GMDS: variants seen among roughly 807,000 people sequenced by gnomAD.
GMDS encodes the protein GDP-mannose 4,6 dehydratase.
In GMDS, 20 loss-of-function variants were observed where a neutral mutation model predicts 49.9. The observed-to-expected ratio is 0.40, with a 90% CI of 0.28 to 0.58. The LOEUF is 0.58. Ranked by LOEUF, GMDS falls within the 20% of genes least tolerant of loss-of-function variation. The pLI, the probability that GMDS is intolerant of heterozygous loss-of-function variation, is 0.42. For synonymous variants in GMDS, 177 were observed against 178.6 expected, an observed-to-expected ratio of 0.99 and a Z score of 0.07; for missense variants, 362 against 481.4, an observed-to-expected ratio of 0.75 and a Z score of 2.32.
At chr6:1,821,321 TTTTGA>T in intron 7 of GMDS, among the ~76,000 whole-genome samples, 1 of 152,082 alleles carries the variant, frequency 6.6e-6, no homozygotes. Flanking sequence ...TCCCAGCTCC[TTTTGA>T]GCGGAGAGGC....
intron 7 of GMDS, among the ~76,000 whole-genome samples, chr6:1,834,261 T>C (rs978931866): frequency 6.6e-6 from 1 of 152,200 alleles, no homozygotes; most frequent in Non-Finnish European, 1.5e-5. Context: ...GAGATTCCAT[T>C]TAAAATGTTC....
chr6:2,240,417 A>G (rs1781559239), intron 1 of GMDS, among the ~76,000 whole-genome samples: 1 of 152,190 alleles, frequency 6.6e-6, no homozygotes, highest in African/African-American at 2.4e-5. Flanking sequence ...CCTGGCAGAA[A>G]AGATAAGTGA....
At chr6:2,135,540 C>T (rs138507172) in intron 1 of GMDS, among the ~76,000 whole-genome samples, 237 of 150,972 alleles carry the variant, frequency 1.6e-3, no homozygotes, top group Non-Finnish European at 2.6e-3. Flanking sequence ...AGATGCATTT[C>T]CTACATTTGA....
chr6:1,631,447 T>C (rs1271329796), intron 9 of GMDS, among the ~76,000 whole-genome samples: 1 of 152,160 alleles, frequency 6.6e-6, no homozygotes, highest in Non-Finnish European at 1.5e-5. Flanking sequence ...TTCCTTAAGC[T>C]TGTTTCCTTC....
chr6:1,948,115 A>T (rs1045526200), intron 6 of GMDS, among the ~76,000 whole-genome samples: 1 of 152,180 alleles, frequency 6.6e-6, no homozygotes, highest in Non-Finnish European at 1.5e-5. Context: ...CATTTTAGAG[A>T]TGAGAAAACT....
chr6:1,834,159 T>C (rs749208067), intron 7 of GMDS, among the ~76,000 whole-genome samples: 6 of 152,224 alleles, frequency 3.9e-5, no homozygotes, highest in Non-Finnish European at 7.3e-5. Context: ...AAACAGATGA[T>C]ATTAATTTCA....
intron 1 of GMDS, among the ~76,000 whole-genome samples, chr6:2,198,097 AGT>A (rs1363777455): frequency 6.6e-6 from 1 of 152,244 alleles, no homozygotes; most frequent in Admixed American, 6.5e-5. Context: ...ATGATGGGAA[AGT>A]GTGTGAAATT....
At chr6:1,724,482 C>G (rs1766501523) in intron 9 of GMDS, among the ~76,000 whole-genome samples, 1 of 152,150 alleles carries the variant, frequency 6.6e-6, no homozygotes, top group East Asian at 1.9e-4. Context: ...GTAGGAATGA[C>G]AGACAAGCCA....
At chr6:1,663,745 G>T (rs980167315) in intron 9 of GMDS, among the ~76,000 whole-genome samples, 12 of 152,032 alleles carry the variant, frequency 7.9e-5, no homozygotes, top group Non-Finnish European at 1.8e-4. Context: ...GTGAAGATCC[G>T]TGTGCCCTGC....
At chr6:1,643,986 G>C (rs909538030) in intron 9 of GMDS, among the ~76,000 whole-genome samples, 1 of 152,064 alleles carries the variant, frequency 6.6e-6, no homozygotes, top group Non-Finnish European at 1.5e-5. Flanking sequence ...TCCCAGGGCG[G>C]ACGGCCCTTA....
intron 7 of GMDS, among the ~76,000 whole-genome samples, chr6:1,745,266 GT>G (rs1342147609): frequency 6.6e-6 from 1 of 152,230 alleles, no homozygotes; most frequent in Non-Finnish European, 1.5e-5. Context: ...TTTTAGTCAT[GT>G]GAAAGAAGAC....
In GMDS at chr6:2,012,063, G is replaced by A. The variant is rs967260657; in HGVS notation, c.346-51097C>T. On this transcript the variant is annotated intron_variant, in intron 4 of 10. Coordinates refer to ENST00000380815, the MANE Select transcript of GMDS (RefSeq NM_001500.4). Reference sequence around the variant, plus strand: ...CACTTATAAATGGGAGTTAAATAATGTGTACACATGGACATAGAGAGTGGA... The same window carrying A: ...CACTTATAAATGGGAGTTAAATAATATGTACACATGGACATAGAGAGTGGA... Among the ~76,000 whole-genome samples, 9 of 152,262 alleles carry A rather than the reference G, an allele frequency of 5.9e-5. No homozygotes were observed. In the East Asian group the frequency reaches 1.4e-3, roughly 23 times the overall value.
chr6:2,137,010 T>A (rs563696473), intron 1 of GMDS, among the ~76,000 whole-genome samples: 1 of 152,164 alleles, frequency 6.6e-6, no homozygotes, highest in Non-Finnish European at 1.5e-5. Flanking sequence ...AATTAACTCT[T>A]GTGTCAAGTC....
chr6:1,793,849 G>A lies in GMDS; in HGVS notation c.772-51263C>T, dbSNP rs143887645. The stretch of plus-strand genomic sequence containing the variant: ...GTCTAAGATTTTAAAAAAACAGAAA[G>A]TTTGACCAGCTTATTGCCAAAAATG... On this transcript the variant is annotated intron_variant, in intron 7 of 10. Coordinates refer to ENST00000380815, the MANE Select transcript of GMDS (RefSeq NM_001500.4). 4.4e-3 allele frequency among the ~76,000 whole-genome samples: 676 copies of A among 152,196 alleles called. 2 individuals are homozygous for A. The highest frequency in any genetic ancestry group is 0.015 in the African/African-American group (642 of 41,528).
At chr6:2,203,173 G>A (rs963633875) in intron 1 of GMDS, among the ~76,000 whole-genome samples, 10 of 152,108 alleles carry the variant, frequency 6.6e-5, no homozygotes, top group Non-Finnish European at 2.9e-5. Context: ...CTTATGTACT[G>A]GAGTTACTTT....
intron 9 of GMDS, among the ~76,000 whole-genome samples, chr6:1,716,536 G>C (rs906151655): frequency 3.9e-5 from 6 of 152,230 alleles, no homozygotes; most frequent in African/African-American, 1.4e-4. Context: ...GAGTGGCTAA[G>C]CTGCTGCACA....
chr6:2,141,139 C>T (rs1204313282), intron 1 of GMDS, among the ~76,000 whole-genome samples: 1 of 152,164 alleles, frequency 6.6e-6, no homozygotes, highest in African/African-American at 2.4e-5. Context: ...AAATGAGCTA[C>T]AAACGGTTCA....
intron 1 of GMDS, among the ~76,000 whole-genome samples, chr6:2,170,219 GAGAA>G (rs928167140): frequency 3.3e-5 from 5 of 151,144 alleles, no homozygotes; most frequent in Non-Finnish European, 7.4e-5. Context: ...AAAAAAAAGA[GAGAA>G]AGAAAGAAAA....
At chr6:1,731,584 T>TACC (rs1460704201) in intron 8 of GMDS, among the ~76,000 whole-genome samples, 2 of 152,280 alleles carry the variant, frequency 1.3e-5, no homozygotes, top group Admixed American at 6.5e-5. Context: ...ATTTCCAATC[T>TACC]AGAAATATAT....
Sources: gnomAD v4.1 joint callset for allele counts (sites outside exome capture counted in the v4.1 genomes callset) on GRCh38, gnomAD v4.1.1 for gene constraint, MANE v1.5 for transcripts, NCBI Gene and HGNC (gene_info 2026-07-23, HGNC 2026-07-21) for gene names.